RAB28: variants seen among roughly 807,000 people sequenced by gnomAD.
RAB28 encodes the protein ras-related protein Rab-28.
In RAB28, 24 loss-of-function variants were observed where a neutral mutation model predicts 31.7. The ratio of observed to expected loss-of-function variants is 0.76; its 90% confidence interval spans 0.55 to 1.06. The LOEUF is 1.06. Ranked by LOEUF, RAB28 falls within the 50% of genes least tolerant of loss-of-function variation. The probability of loss-of-function intolerance (pLI) is 0.00; values close to 1 mark genes in which losing one functional copy is unlikely to be tolerated. For missense variants in RAB28, 254 were observed against 258.5 expected (o/e 0.98, Z 0.12); for synonymous variants, 100 against 90.4 (o/e 1.11, Z -0.60).
chr4:13,409,712 C>T (rs1269127698), intron 4 of RAB28, among the ~76,000 whole-genome samples: 1 of 152,232 alleles, frequency 6.6e-6, no homozygotes, highest in Non-Finnish European at 1.5e-5. Context: ...CCTAACACTT[C>T]ACTTCCTCCT....
At chr4:13,450,459 T>C (rs1171861593) in intron 4 of RAB28, among the ~76,000 whole-genome samples, 1 of 151,822 alleles carries the variant, frequency 6.6e-6, no homozygotes, top group Non-Finnish European at 1.5e-5. Context: ...TACATATGTA[T>C]TTTCCCCCAT....
chr4:13,434,188 G>A (rs1400347131), intron 4 of RAB28, among the ~76,000 whole-genome samples: 1 of 152,134 alleles, frequency 6.6e-6, no homozygotes, highest in African/African-American at 2.4e-5. Context: ...GTGGGGTAAA[G>A]GCTGAAAAAC....
At chr4:13,436,431 C>G (rs545890870) in intron 4 of RAB28, among the ~76,000 whole-genome samples, 1 of 152,186 alleles carries the variant, frequency 6.6e-6, no homozygotes, top group East Asian at 1.9e-4. Flanking sequence ...TGTTCACCAA[C>G]GTCATAATCC....
intron 4 of RAB28, among the ~76,000 whole-genome samples, chr4:13,400,377 T>C (rs1268284099): frequency 6.6e-6 from 1 of 152,186 alleles, no homozygotes; most frequent in Non-Finnish European, 1.5e-5. Flanking sequence ...ATTTGGAGTT[T>C]TGACTGAAAT....
intron 4 of RAB28, among the ~76,000 whole-genome samples, chr4:13,415,749 G>A (rs542354029): frequency 6.6e-6 from 1 of 152,226 alleles, no homozygotes; most frequent in South Asian, 2.1e-4. Context: ...CAATGACCAC[G>A]CAAAGGCTGA....
chr4:13,401,570 T>C (rs1200588967), intron 4 of RAB28, among the ~76,000 whole-genome samples: 8 of 152,222 alleles, frequency 5.3e-5, no homozygotes, highest in Non-Finnish European at 7.3e-5. Flanking sequence ...TTAATCTAAA[T>C]TGTCAATTAA....
intron 4 of RAB28, among the ~76,000 whole-genome samples, chr4:13,433,547 C>T (rs1157779502): frequency 1.3e-5 from 2 of 151,986 alleles, no homozygotes; most frequent in Admixed American, 1.3e-4. Context: ...AGCCAACAAA[C>T]ATAAGAAAAA....
intron 4 of RAB28, among the ~76,000 whole-genome samples, chr4:13,386,026 A>G (rs954162175): frequency 1.3e-5 from 2 of 152,202 alleles, no homozygotes; most frequent in African/African-American, 4.8e-5. Flanking sequence ...GAATTATATC[A>G]AACAAAAACC....
At chr4:13,423,494 A>T (rs1053414468) in intron 4 of RAB28, among the ~76,000 whole-genome samples, 8 of 152,068 alleles carry the variant, frequency 5.3e-5, no homozygotes, top group Non-Finnish European at 1.0e-4. Flanking sequence ...GGGGGGGAAA[A>T]AAAAAGGTGA....
At chr4:13,477,381 T>C (rs1716406494) in intron 2 of RAB28, among the ~76,000 whole-genome samples, 1 of 151,516 alleles carries the variant, frequency 6.6e-6, no homozygotes, top group African/African-American at 2.4e-5. Flanking sequence ...GTAACAAATA[T>C]TAGATTCACC....
In RAB28 at chr4:13,451,596, T is replaced by G. The variant is rs183085291; in HGVS notation, c.391+9103A>C. The stretch of plus-strand genomic sequence containing the variant: ...TTTTTAAATTTGCAATAATCCCATT[T>G]GTTTATTTTTGCTTTTGTTGCCTAT... On this transcript the variant is annotated intron_variant, in intron 4 of 6. Coordinates refer to ENST00000330852, the MANE Select transcript of RAB28 (RefSeq NM_001017979.3). Among the ~76,000 whole-genome samples the G allele has an allele frequency of 1.9e-3, 285 of 152,014 alleles. 2 individuals are homozygous for G. The East Asian group carries it at 0.019, about 10-fold the overall frequency.
Position 13,367,870 on chromosome 4 carries a change from A to C in RAB28, c.*688T>G. 1.0e-6 allele frequency: 1 copy of C among 985,118 alleles called. No individual in the cohort carries two copies. Among genetic ancestry groups the C allele is most frequent in the Non-Finnish European group, 1.2e-6 (1 of 829,646 alleles). 61.0% of individuals were successfully genotyped at this position (985,118 alleles called of 1,614,324 possible). On this transcript the variant is annotated 3_prime_UTR_variant, in exon 7 of 7. Coordinates refer to ENST00000330852, the MANE Select transcript of RAB28 (RefSeq NM_001017979.3). ...GAGCATCAGCTGAACATTTATCAGA[A>C]TTCAGAAAGCCTTCAAACCTGAGTA...
intron 4 of RAB28, among the ~76,000 whole-genome samples, chr4:13,401,104 T>C (rs924154397): frequency 6.6e-6 from 1 of 152,226 alleles, no homozygotes; most frequent in African/African-American, 2.4e-5. Flanking sequence ...CCAACACCTT[T>C]GGTTTTCTGG....
At chr4:13,411,273 AAGAC>A (rs1712427462) in intron 4 of RAB28, among the ~76,000 whole-genome samples, 1 of 152,194 alleles carries the variant, frequency 6.6e-6, no homozygotes, top group African/African-American at 2.4e-5. Flanking sequence ...TCAGACAACA[AAGAC>A]AGAAGAAACA....
chr4:13,394,134 G>C (rs1406915492), intron 4 of RAB28, among the ~76,000 whole-genome samples: 1 of 152,154 alleles, frequency 6.6e-6, no homozygotes, highest in Non-Finnish European at 1.5e-5. Flanking sequence ...TGAAAGAGAG[G>C]AGTAGGAATC....
At chr4:13,371,573 T>A (rs1216496529) in intron 6 of RAB28, 1 of 985,186 alleles carries the variant, frequency 1.0e-6, no homozygotes, top group African/African-American at 1.7e-5. Flanking sequence ...CAAGACAGCA[T>A]CATTCTCAGG....
intron 4 of RAB28, among the ~76,000 whole-genome samples, chr4:13,435,185 GA>G (rs1408502806): frequency 6.6e-6 from 1 of 151,232 alleles, no homozygotes; most frequent in African/African-American, 2.4e-5. Flanking sequence ...TAAAATAAAT[GA>G]AAATAGATAA....
intron 4 of RAB28, among the ~76,000 whole-genome samples, chr4:13,417,872 A>G (rs1712888291): frequency 6.6e-6 from 1 of 152,240 alleles, no homozygotes; most frequent in Admixed American, 6.5e-5. Flanking sequence ...CTCGCCAGCA[A>G]CGGAACAAAG....
rs1233272494 is a variant in RAB28 at position 13,368,179 on chromosome 4, G to C, written c.*379C>G. 1 of 989,396 alleles carries C rather than the reference G, an allele frequency of 1.0e-6. No homozygotes were observed. Among genetic ancestry groups the C allele is most frequent in the Non-Finnish European group, 1.2e-6 (1 of 832,754 alleles). 61.3% of individuals were successfully genotyped at this position (989,396 alleles called of 1,614,324 possible). A position where few individuals can be genotyped will look rare whatever the true frequency, so the allele number is the denominator to read the frequency against. ...TTGACACATACAAGTTCCGATAAGA[G>C]AATGAAATTGCTGTGGCAAAATCCT... On this transcript the variant is annotated 3_prime_UTR_variant, in exon 7 of 7. Transcript: ENST00000330852.
Sources: allele counts gnomAD v4.1 joint callset (sites outside exome capture counted in the v4.1 genomes callset), GRCh38; gene constraint gnomAD v4.1.1; transcripts MANE v1.5; gene names NCBI Gene and HGNC (gene_info 2026-07-23, HGNC 2026-07-21).